The following HYKK variants were observed in gnomAD, a reference collection of about 807,000 sequenced individuals.
HYKK encodes the protein hydroxylysine kinase, also known as 5-hydroxy-L-lysine kinase.
HYKK carries 19 observed loss-of-function variants against 29.7 expected under a neutral mutation model. That is an observed-to-expected ratio of 0.64 (90% CI 0.45 to 0.94). HYKK has a LOEUF of 0.94. Ranked by LOEUF, HYKK falls within the 40% of genes least tolerant of loss-of-function variation. The pLI, the probability that HYKK is intolerant of heterozygous loss-of-function variation, is 0.00. For missense variants in HYKK, 390 were observed against 443.4 expected, an observed-to-expected ratio of 0.88 and a Z score of 1.08; for synonymous variants, 152 against 158.1, an observed-to-expected ratio of 0.96 and a Z score of 0.29.
chr15:78,514,418 G>A (rs913287794), intron 2 of HYKK, among the ~76,000 whole-genome samples: 1 of 152,124 alleles, frequency 6.6e-6, no homozygotes, highest in African/African-American at 2.4e-5. Context: ...TCGAAATCTT[G>A]ATTGTCTTTT....
rs748208714 is a variant in HYKK at position 78,515,142 on chromosome 15, G to A, written c.477+35G>A. The stretch of plus-strand genomic sequence containing the variant: ...GGGGCTTTATTTTATTCTAAGGGAT[G>A]TTTGTTTGCTTGTTATTTTATTTTT... On this transcript the variant is annotated intron_variant, in intron 3 of 4. Coordinates refer to ENST00000388988, the MANE Select transcript of HYKK (RefSeq NM_001013619.4). The A allele has an allele frequency of 1.3e-4, 184 of 1,468,010 alleles. No homozygotes were observed. In the African/African-American group the frequency reaches 2.3e-3, roughly 18 times the overall value. The allele number at this position is 1,468,010 out of a possible 1,614,324, so 90.9% of individuals were successfully genotyped here. A position where few individuals can be genotyped will look rare whatever the true frequency, so the allele number is the denominator to read the frequency against.
chr15:78,526,658 G>C (rs541294169), intron 3 of HYKK, among the ~76,000 whole-genome samples: 1 of 152,326 alleles, frequency 6.6e-6, no homozygotes, highest in East Asian at 1.9e-4. Context: ...TGAAGTCAGA[G>C]AGGTTACAAG....
rs2052329684 is a variant in HYKK, at chr15:78,533,323, T to A, written c.775T>A (p.Tyr259Asn). 1.2e-6 allele frequency: 2 copies of A among 1,614,110 alleles called. No homozygotes were observed. Among genetic ancestry groups the A allele is most frequent in the Non-Finnish European group, 1.7e-6 (2 of 1,179,910 alleles). ...GATTTTAGACTTTGGTGACATGAGCTATGGCTACTATGTGTTTGAAGTGGC... is the reference window on the plus strand; with the variant it reads ...GATTTTAGACTTTGGTGACATGAGCAATGGCTACTATGTGTTTGAAGTGGC... ...SGILDFGDMS[Y>N]GYYVFEVAIT... The change falls in exon 5 of 5, where the codon TAT (tyrosine) becomes AAT (asparagine). Residue 259 changes from tyrosine to asparagine, a missense_variant. Coordinates refer to ENST00000388988, the MANE Select transcript of HYKK (RefSeq NM_001013619.4).
At chr15:78,528,510 G>A (rs746060439) in intron 4 of HYKK, 97 of 985,318 alleles carry the variant, frequency 9.8e-5, no homozygotes, top group Non-Finnish European at 1.1e-4. Context: ...ACTGGTCAAA[G>A]GCAAGGAACT....
chr15:78,509,653 G>T (rs776593252), intron 1 of HYKK, among the ~76,000 whole-genome samples: 1 of 152,116 alleles, frequency 6.6e-6, no homozygotes, highest in Non-Finnish European at 1.5e-5. Context: ...AGTCCATATT[G>T]CATTTTGAAT....
At chr15:78,529,849 T>G (rs1388542084) in intron 4 of HYKK, among the ~76,000 whole-genome samples, 2 of 151,640 alleles carry the variant, frequency 1.3e-5, no homozygotes, top group African/African-American at 4.8e-5. Context: ...AATTCTAAAT[T>G]TTTTTTTTGA....
intron 1 of HYKK, among the ~76,000 whole-genome samples, chr15:78,511,591 T>C (rs1402215364): frequency 1.3e-5 from 2 of 152,042 alleles, no homozygotes; most frequent in African/African-American, 2.4e-5. Context: ...TAGCCTGATA[T>C]GGTGGCTTCT....
intron 3 of HYKK, chr15:78,518,681 G>T (rs2052160663): frequency 4.6e-6 from 2 of 431,908 alleles, no homozygotes; most frequent in Non-Finnish European, 9.3e-6. Context: ...ACTTTGGGAG[G>T]CCGAGGCAGG....
intron 4 of HYKK, among the ~76,000 whole-genome samples, 159 bp from the exon 5 acceptor site, chr15:78,533,051 A>G (rs1024674732): frequency 1.3e-5 from 2 of 152,222 alleles, no homozygotes; most frequent in African/African-American, 2.4e-5. Context: ...AACTGCTTTT[A>G]TTCTTTTCAG....
At chr15:78,508,856 C>G (rs2052041088) in intron 1 of HYKK, among the ~76,000 whole-genome samples, 1 of 111,988 alleles carries the variant, frequency 8.9e-6, no homozygotes, top group South Asian at 3.2e-4. Context: ...CCAGCCTGGG[C>G]AACATAGTGG....
chr15:78,531,571 G>T (rs967003087), intron 4 of HYKK, among the ~76,000 whole-genome samples: 2 of 151,970 alleles, frequency 1.3e-5, no homozygotes, highest in African/African-American at 4.8e-5. Context: ...TCGCTCTGTT[G>T]CCCAGGCTAG....
At chr15:78,517,058 A>C (rs1385064997) in intron 3 of HYKK, among the ~76,000 whole-genome samples, 5 of 138,882 alleles carry the variant, frequency 3.6e-5, no homozygotes, top group African/African-American at 1.4e-4. Flanking sequence ...ACATTGCTCC[A>C]CTTCTTGCTT....
chr15:78,531,746 G>C (rs1432968123), intron 4 of HYKK, among the ~76,000 whole-genome samples: 1 of 152,058 alleles, frequency 6.6e-6, no homozygotes, highest in Non-Finnish European at 1.5e-5. Context: ...GGATAGGCTG[G>C]TCTCGAACTC....
intron 1 of HYKK, 65 bp downstream of exon 1, chr15:78,507,736 C>A (rs2052027748): frequency 6.6e-6 from 1 of 152,350 alleles, no homozygotes; most frequent in South Asian, 2.1e-4. Context: ...GGGGTCGCCC[C>A]CGAGGGCAGG....
At chr15:78,531,572 C>T (rs561084614) in intron 4 of HYKK, among the ~76,000 whole-genome samples, 1 of 152,174 alleles carries the variant, frequency 6.6e-6, no homozygotes, top group Admixed American at 6.5e-5. Flanking sequence ...CGCTCTGTTG[C>T]CCAGGCTAGA....
chr15:78,518,900 G>C (rs1284601040), intron 3 of HYKK: 1 of 142,368 alleles, frequency 7.0e-6, no homozygotes, highest in African/African-American at 2.7e-5. Context: ...GGACAAGACA[G>C]AGCAAGACTC....
chr15:78,510,179 T>G (rs577622726), intron 1 of HYKK, among the ~76,000 whole-genome samples: 64 of 151,616 alleles, frequency 4.2e-4, no homozygotes, highest in African/African-American at 1.5e-3. Flanking sequence ...CTTTTCTTTC[T>G]TTTCTTTACT....
chr15:78,520,958 GC>G (rs1224788621), intron 3 of HYKK, among the ~76,000 whole-genome samples: 1 of 151,852 alleles, frequency 6.6e-6, no homozygotes, highest in Non-Finnish European at 1.5e-5. Flanking sequence ...AGCTGGCCGG[GC>G]GGGGGGCTGA....
In HYKK at chr15:78,533,774, A is replaced by C; in HGVS notation, c.*104A>C. ...TTCCTGCATAGTTAAAAATCAACTG[A>C]TGGAATGGATCAATTCTGAATATGA... is the stretch of plus-strand genomic sequence containing the variant. On this transcript the variant is annotated 3_prime_UTR_variant, in exon 5 of 5. Coordinates refer to ENST00000388988, the MANE Select transcript of HYKK (RefSeq NM_001013619.4). 1.3e-6 allele frequency: 1 copy of C among 744,448 alleles called. No homozygotes were observed. Among genetic ancestry groups the C allele is most frequent in the Admixed American group, 2.5e-5 (1 of 39,524 alleles). The allele number at this position is 744,448 out of a possible 1,614,324, so 46.1% of individuals were successfully genotyped here.
Sources: allele counts gnomAD v4.1 joint callset (sites outside exome capture counted in the v4.1 genomes callset), GRCh38; gene constraint gnomAD v4.1.1; transcripts MANE v1.5; gene names NCBI Gene and HGNC (gene_info 2026-07-23, HGNC 2026-07-21).